Variants in SLC39A10 observed in about 807,000 individuals in gnomAD.
The protein encoded by SLC39A10 is solute carrier family 39 member 10.
Under a neutral mutation model 65.1 loss-of-function variants are expected in SLC39A10, and 13 were observed. The observed-to-expected ratio is 0.20, with a 90% CI of 0.13 to 0.32. The LOEUF (loss-of-function observed/expected upper bound fraction) is 0.32. Among genes scored for constraint, SLC39A10 ranks in the 10% least tolerant of loss-of-function variants. The probability of loss-of-function intolerance (pLI) is 1.00; values close to 1 mark genes in which losing one functional copy is unlikely to be tolerated. For synonymous variants in SLC39A10, 321 were observed against 342.2 expected, an observed-to-expected ratio of 0.94 and a Z score of 0.68; for missense variants, 831 against 1,018.4, an observed-to-expected ratio of 0.82 and a Z score of 2.50.
chr2:195,725,153 G>C (rs1692189682), intron 8 of SLC39A10, among the ~76,000 whole-genome samples: 1 of 152,024 alleles, frequency 6.6e-6, no homozygotes, highest in Non-Finnish European at 1.5e-5. Flanking sequence ...CTCAAAGTAG[G>C]TAATCTAAAT....
intron 1 of SLC39A10, among the ~76,000 whole-genome samples, chr2:195,679,807 A>G (rs1352611281): frequency 1.3e-5 from 2 of 152,208 alleles, no homozygotes; most frequent in Non-Finnish European, 2.9e-5. Flanking sequence ...CAGTAACTGT[A>G]CTAAACTAAC....
At chr2:195,663,710 AAGAAATAAG>A (rs1368571609) in intron 1 of SLC39A10, among the ~76,000 whole-genome samples, 18 of 107,470 alleles carry the variant, frequency 1.7e-4, no homozygotes, top group African/African-American at 2.3e-4. Flanking sequence ...ATGAAAAAAA[AAGAAATAAG>A]AGAAAAGTAA....
At chr2:195,710,342 A>G (rs1691562660) in intron 5 of SLC39A10, among the ~76,000 whole-genome samples, 1 of 152,162 alleles carries the variant, frequency 6.6e-6, no homozygotes, top group Admixed American at 6.5e-5. Flanking sequence ...GCTTTCCACA[A>G]AAAAAAGAGT....
chr2:195,688,202 A>G (rs1368002766), intron 3 of SLC39A10, among the ~76,000 whole-genome samples: 3 of 152,226 alleles, frequency 2.0e-5, no homozygotes, highest in South Asian at 2.1e-4. Flanking sequence ...ATTGTTTTAT[A>G]TAAGGTTTTT....
intron 2 of SLC39A10, among the ~76,000 whole-genome samples, chr2:195,620,108 G>T (rs867542252): frequency 4.7e-4 from 71 of 152,066 alleles, no homozygotes; most frequent in African/African-American, 1.6e-3. Flanking sequence ...ATTTTTGGTA[G>T]AGACAGGATT....
At chr2:195,695,241 C>T (rs983473731) in intron 3 of SLC39A10, among the ~76,000 whole-genome samples, 9 of 152,184 alleles carry the variant, frequency 5.9e-5, no homozygotes, top group Non-Finnish European at 1.3e-4. Context: ...ATAGGCATGG[C>T]TGAGCTCAGA....
intron 2 of SLC39A10, among the ~76,000 whole-genome samples, chr2:195,617,247 A>G (rs760749542): frequency 6.6e-6 from 1 of 152,164 alleles, no homozygotes; most frequent in Non-Finnish European, 1.5e-5. Context: ...CTGTCCAAAT[A>G]TCTTTTTAAA....
chr2:195,671,515 A>G (rs1188424066), intron 1 of SLC39A10: 2 of 152,234 alleles, frequency 1.3e-5, no homozygotes, highest in Non-Finnish European at 2.9e-5. Flanking sequence ...TTCTTAATGC[A>G]TAAAACTTGG....
At chr2:195,709,199 G>A (rs202032467) in intron 5 of SLC39A10, among the ~76,000 whole-genome samples, 1 of 144,570 alleles carries the variant, frequency 6.9e-6, no homozygotes, top group Non-Finnish European at 1.5e-5. Context: ...TAACTTGTAT[G>A]TATGTATGTA....
intron 3 of SLC39A10, among the ~76,000 whole-genome samples, chr2:195,688,117 G>C (rs538980501): frequency 2.6e-5 from 4 of 152,210 alleles, no homozygotes; most frequent in African/African-American, 9.6e-5. Context: ...CAGACATTTG[G>C]CGCTTTTTTA....
chr2:195,695,058 A>G (rs925078440), intron 3 of SLC39A10, among the ~76,000 whole-genome samples: 2 of 152,122 alleles, frequency 1.3e-5, no homozygotes, highest in East Asian at 3.9e-4. Context: ...AAGAGGGGCC[A>G]GGCTTCTCCC....
intron 1 of SLC39A10, among the ~76,000 whole-genome samples, chr2:195,660,586 G>A (rs1264920695): frequency 6.6e-6 from 1 of 152,132 alleles, no homozygotes; most frequent in Non-Finnish European, 1.5e-5. Context: ...TTTCCTCTGG[G>A]TAGTTAGTGT....
In SLC39A10 at chr2:195,736,673, TA is replaced by T. The variant is rs1234301794; in HGVS notation, c.*1633del. 2 of 152,218 alleles carry T rather than the reference TA, an allele frequency of 1.3e-5. No homozygotes were observed. The highest frequency in any genetic ancestry group is 6.5e-5 in the Admixed American group (1 of 15,268). The allele number at this position is 152,218 out of a possible 1,614,324, so 9.4% of individuals were successfully genotyped here. Reference sequence around the variant, plus strand: ...GCTATAAGCAAGGGAGCTTAGGTGTTATTTCTTTAATTTATGCTTGAATCTG... The same window carrying T: ...GCTATAAGCAAGGGAGCTTAGGTGTTTTTCTTTAATTTATGCTTGAATCTG... On this transcript the variant is annotated 3_prime_UTR_variant, in exon 10 of 10. Transcript: ENST00000359634.
intron 1 of SLC39A10, among the ~76,000 whole-genome samples, chr2:195,663,429 T>C (rs1383626878): frequency 6.6e-6 from 1 of 152,196 alleles, no homozygotes; most frequent in Non-Finnish European, 1.5e-5. Context: ...TTTATTTAAA[T>C]ACTTTATCAA....
At chr2:195,667,349 A>G (rs183582447) in intron 1 of SLC39A10, among the ~76,000 whole-genome samples, 42 of 152,268 alleles carry the variant, frequency 2.8e-4, no homozygotes, top group Admixed American at 9.2e-4. Flanking sequence ...CCTGCTGAGA[A>G]CTCATTACTA....
Position 195,680,471 on chromosome 2 carries a change from C to G in SLC39A10, c.429C>G (p.Thr143=). The G allele has an allele frequency of 6.2e-7, 1 of 1,614,076 alleles. No homozygotes were observed. Among genetic ancestry groups the G allele is most frequent in the Non-Finnish European group, 8.5e-7 (1 of 1,180,022 alleles). The change falls in exon 2 of 10, where the codon ACC becomes ACG. Residue 143 remains threonine (T), a synonymous_variant. Transcript: ENST00000359634. ...TAAATTCAGAAAATCAAACTGTGAC[C>G]AGTGTATCCACAAAAAGAAACCATA... ...NHLNSENQTV[T]SVSTKRNHKC... is the part of the protein sequence containing the mutation.
intron 2 of SLC39A10, among the ~76,000 whole-genome samples, chr2:195,647,903 C>A (rs928331740): frequency 6.6e-6 from 1 of 152,002 alleles, no homozygotes; most frequent in African/African-American, 2.4e-5. Context: ...TCTCTTTTTC[C>A]AAGACAGACT....
chr2:195,633,389 C>T (rs1688631746), intron 2 of SLC39A10, among the ~76,000 whole-genome samples: 1 of 152,238 alleles, frequency 6.6e-6, no homozygotes, highest in African/African-American at 2.4e-5. Flanking sequence ...GAGGCAGCGT[C>T]TAAGAGGGAA....
chr2:195,646,254 T>G (rs983642290), intron 2 of SLC39A10, among the ~76,000 whole-genome samples: 1 of 152,182 alleles, frequency 6.6e-6, no homozygotes, highest in Non-Finnish European at 1.5e-5. Context: ...CAATTCTTTT[T>G]ATTTTATTTT....
Sources: allele counts gnomAD v4.1 joint callset (sites outside exome capture counted in the v4.1 genomes callset), GRCh38; gene constraint gnomAD v4.1.1; transcripts MANE v1.5; gene names NCBI Gene and HGNC (gene_info 2026-07-23, HGNC 2026-07-21).